The following NKAIN2 variants were observed in gnomAD, a reference collection of about 807,000 sequenced individuals.
NKAIN2 encodes the protein sodium/potassium-transporting ATPase subunit beta-1-interacting protein 2.
In NKAIN2, 14 loss-of-function variants were observed where a neutral mutation model predicts 32.6. That is an observed-to-expected ratio of 0.43 (90% CI 0.28 to 0.67). The LOEUF (loss-of-function observed/expected upper bound fraction) is 0.67. Ranked by LOEUF, NKAIN2 falls within the 30% of genes least tolerant of loss-of-function variation. The pLI is 0.17. For synonymous variants in NKAIN2, 80 were observed against 87.2 expected, an observed-to-expected ratio of 0.92 and a Z score of 0.46; for missense variants, 198 against 258.3, an observed-to-expected ratio of 0.77 and a Z score of 1.60.
intron 3 of NKAIN2, among the ~76,000 whole-genome samples, chr6:124,465,605 T>C (rs2114658789): frequency 6.7e-6 from 1 of 148,152 alleles, no homozygotes; most frequent in South Asian, 2.2e-4. Flanking sequence ...GTTCTGCACA[T>C]GTATCCCAGG....
intron 1 of NKAIN2, among the ~76,000 whole-genome samples, chr6:124,192,090 A>G (rs979626662): frequency 1.3e-5 from 2 of 151,726 alleles, no homozygotes; most frequent in Admixed American, 6.6e-5. Context: ...CCTGTTTTCT[A>G]TTTCATTTAT....
chr6:124,465,016 C>G (rs1260256489), intron 3 of NKAIN2, among the ~76,000 whole-genome samples: 1 of 151,964 alleles, frequency 6.6e-6, no homozygotes, highest in Non-Finnish European at 1.5e-5. Flanking sequence ...ACTGTTTTTC[C>G]ATTTGATTAT....
intron 3 of NKAIN2, among the ~76,000 whole-genome samples, chr6:124,640,615 CT>C (rs919581596): frequency 6.6e-6 from 1 of 152,118 alleles, no homozygotes; most frequent in Admixed American, 6.5e-5. Flanking sequence ...AGAAGTTGAT[CT>C]TTCATTATCG....
At chr6:124,246,210 C>T (rs1793386637) in intron 1 of NKAIN2, among the ~76,000 whole-genome samples, 1 of 152,062 alleles carries the variant, frequency 6.6e-6, no homozygotes. Flanking sequence ...TCCATTCTTA[C>T]TGCAGTTCTT....
At chr6:123,804,586 A>T (rs768827434) in intron 1 of NKAIN2, among the ~76,000 whole-genome samples, 5 of 152,192 alleles carry the variant, frequency 3.3e-5, no homozygotes, top group Non-Finnish European at 5.9e-5. Flanking sequence ...ATTGTCACCT[A>T]CAATTTACCG....
chr6:124,125,214 G>A (rs951746852), intron 1 of NKAIN2, among the ~76,000 whole-genome samples: 37 of 152,068 alleles, frequency 2.4e-4, no homozygotes, highest in African/African-American at 8.7e-4. Context: ...TAGCTTTTCA[G>A]GATTCAGTTT....
intron 3 of NKAIN2, among the ~76,000 whole-genome samples, chr6:124,440,437 C>G (rs932950434): frequency 6.6e-6 from 1 of 152,072 alleles, no homozygotes; most frequent in Non-Finnish European, 1.5e-5. Flanking sequence ...TACATTAGTA[C>G]TTCTGAAAGT....
At position 124,778,631 on chromosome 6, in the gene NKAIN2, T is replaced by A. The variant is rs1779090333; in HGVS notation, c.475-12708T>A. Among the ~76,000 whole-genome samples the A allele has an allele frequency of 1.3e-5, 2 of 152,048 alleles. 1 individual carries two copies. Among genetic ancestry groups the A allele is most frequent in the East Asian group, 3.9e-4 (2 of 5,184 alleles). Reference sequence around the variant, plus strand: ...GCTCAGAAATATGAGTGATATTTACTAATAAAGATAGGTAAATAACTCTTA... The same window carrying A: ...GCTCAGAAATATGAGTGATATTTACAAATAAAGATAGGTAAATAACTCTTA... On this transcript the variant is annotated intron_variant, in intron 4 of 6. Coordinates refer to ENST00000368417, the MANE Select transcript of NKAIN2 (RefSeq NM_001040214.3).
intron 2 of NKAIN2, among the ~76,000 whole-genome samples, chr6:124,294,872 G>A (rs1216850891): frequency 6.6e-6 from 1 of 152,070 alleles, no homozygotes; most frequent in East Asian, 1.9e-4. Flanking sequence ...GTCATTTTCT[G>A]AAACACAGCG....
Position 123,929,465 on chromosome 6 carries a change from T to C in NKAIN2, c.54+125211T>C, listed in dbSNP as rs190920194. 1.7e-4 allele frequency among the ~76,000 whole-genome samples: 26 copies of C among 152,258 alleles called. No homozygotes were observed. The East Asian group carries it at 5.0e-3, about 29-fold the overall frequency. The stretch of plus-strand genomic sequence containing the variant: ...AGAGATGAAATGACTCTGTTTCATA[T>C]CTTTTTTTGAGACTGCCTTACACAG... On this transcript the variant is annotated intron_variant, in intron 1 of 6. Coordinates refer to ENST00000368417, the MANE Select transcript of NKAIN2 (RefSeq NM_001040214.3).
intron 1 of NKAIN2, among the ~76,000 whole-genome samples, chr6:124,089,854 T>A (rs940109325): frequency 6.6e-6 from 1 of 151,982 alleles, no homozygotes; most frequent in Non-Finnish European, 1.5e-5. Context: ...GGATGAAGAT[T>A]CTGAAATATA....
chr6:124,683,911 A>G (rs565248015), intron 4 of NKAIN2, among the ~76,000 whole-genome samples: 16 of 152,168 alleles, frequency 1.1e-4, no homozygotes, highest in African/African-American at 3.1e-4. Context: ...CTGCAAACCA[A>G]TAAGTCTCAC....
intron 1 of NKAIN2, among the ~76,000 whole-genome samples, chr6:123,922,968 G>A (rs1247045954): frequency 1.3e-5 from 2 of 152,172 alleles, no homozygotes; most frequent in South Asian, 4.1e-4. Context: ...TAACTTGAGA[G>A]GAGTTACAGC....
At chr6:124,575,019 T>C (rs1281648730) in intron 3 of NKAIN2, among the ~76,000 whole-genome samples, 1 of 152,262 alleles carries the variant, frequency 6.6e-6, no homozygotes, top group African/African-American at 2.4e-5. Context: ...ACCACAGGTT[T>C]ATCTTAGAGA....
At chr6:124,605,442 A>C in intron 3 of NKAIN2, among the ~76,000 whole-genome samples, 1 of 152,110 alleles carries the variant, frequency 6.6e-6, no homozygotes, top group East Asian at 1.9e-4. Context: ...ATTAGAGAAC[A>C]ATATGAGACT....
intron 3 of NKAIN2, among the ~76,000 whole-genome samples, chr6:124,652,933 C>T (rs1784416133): frequency 6.6e-6 from 1 of 152,130 alleles, no homozygotes; most frequent in African/African-American, 2.4e-5. Context: ...TTGGGGGATA[C>T]ATTCAAACTA....
chr6:124,446,421 C>T (rs1775895582), intron 3 of NKAIN2, among the ~76,000 whole-genome samples: 1 of 152,084 alleles, frequency 6.6e-6, no homozygotes, highest in Non-Finnish European at 1.5e-5. Context: ...CAGCTCACCA[C>T]AGCCTCGAAT....
intron 1 of NKAIN2, among the ~76,000 whole-genome samples, chr6:124,246,189 C>T (rs1793385929): frequency 6.6e-6 from 1 of 152,114 alleles, no homozygotes. Context: ...TTCGGGGATT[C>T]TTATTTATAG....
intron 5 of NKAIN2, among the ~76,000 whole-genome samples, chr6:124,810,784 CTAA>C (rs932184856): frequency 2.0e-5 from 3 of 152,144 alleles, no homozygotes; most frequent in South Asian, 4.2e-4. Flanking sequence ...GGTGATTTAG[CTAA>C]TAAGTCTCAT....
Sources: gnomAD v4.1 joint callset for allele counts (sites outside exome capture counted in the v4.1 genomes callset) on GRCh38, gnomAD v4.1.1 for gene constraint, MANE v1.5 for transcripts, NCBI Gene and HGNC (gene_info 2026-07-23, HGNC 2026-07-21) for gene names.